The following TANC2 variants were observed in gnomAD, a reference collection of about 807,000 sequenced individuals.
TANC2 encodes the protein tetratricopeptide repeat, ankyrin repeat and coiled-coil containing 2.
A neutral mutation model predicts 210.5 loss-of-function variants in TANC2; 26 were observed. The ratio of observed to expected loss-of-function variants is 0.12; its 90% CI spans 0.09 to 0.17. The LOEUF (loss-of-function observed/expected upper bound fraction) is 0.17, where lower values mean the gene tolerates loss of function less well. TANC2 is among the 10% of genes least tolerant of loss of function. The pLI, the probability that TANC2 is intolerant of heterozygous loss-of-function variation, is 1.00. For missense variants in TANC2, 2,129 were observed against 2,608.9 expected (o/e 0.82, Z 4.01); for synonymous variants, 931 against 967.1 (o/e 0.96, Z 0.69).
intron 4 of TANC2, among the ~76,000 whole-genome samples, chr17:63,131,825 G>A (rs1277981778): frequency 6.6e-6 from 1 of 152,048 alleles, no homozygotes; most frequent in Admixed American, 6.6e-5. Context: ...TGTAAGACTC[G>A]CCAGCCTACA....
intron 7 of TANC2, among the ~76,000 whole-genome samples, chr17:63,206,083 T>C (rs2041701336): frequency 6.6e-6 from 1 of 152,086 alleles, no homozygotes; most frequent in Non-Finnish European, 1.5e-5. Context: ...AAATGGCCAA[T>C]AGACACATGA....
At chr17:63,289,864 T>C (rs2044333298) in intron 9 of TANC2, among the ~76,000 whole-genome samples, 1 of 152,180 alleles carries the variant, frequency 6.6e-6, no homozygotes, top group Non-Finnish European at 1.5e-5. Flanking sequence ...TGTAGTTCAG[T>C]AAGTAGGTCT....
At chr17:63,208,528 A>C (rs1420821057) in intron 7 of TANC2, among the ~76,000 whole-genome samples, 1 of 152,238 alleles carries the variant, frequency 6.6e-6, no homozygotes, top group Non-Finnish European at 1.5e-5. Flanking sequence ...AAACTTAAGA[A>C]TCAATTTGCC....
chr17:63,069,217 A>G (rs993756079), intron 2 of TANC2, among the ~76,000 whole-genome samples: 5 of 152,150 alleles, frequency 3.3e-5, no homozygotes, highest in Admixed American at 2.6e-4. Context: ...TATGATTGTT[A>G]TGAACATTTA....
intron 8 of TANC2, among the ~76,000 whole-genome samples, chr17:63,257,990 G>A (rs531395676): frequency 5.9e-5 from 9 of 152,122 alleles, no homozygotes; most frequent in African/African-American, 9.7e-5. Context: ...ATTAATGTCC[G>A]TTTCTTTCAG....
intron 2 of TANC2, among the ~76,000 whole-genome samples, chr17:63,011,787 CT>C (rs2033884306): frequency 6.6e-6 from 1 of 151,802 alleles, no homozygotes; most frequent in Admixed American, 6.6e-5. Flanking sequence ...TTCTTTCATA[CT>C]TTTGCTTTCA....
chr17:62,983,349 A>T (rs148944379), intron 1 of TANC2, among the ~76,000 whole-genome samples: 2 of 151,800 alleles, frequency 1.3e-5, no homozygotes, highest in Admixed American at 6.6e-5. Context: ...TAGGGTCTTT[A>T]GGTTTTATTT....
intron 5 of TANC2, among the ~76,000 whole-genome samples, chr17:63,188,142 A>G (rs945638978): frequency 1.3e-5 from 2 of 151,986 alleles, no homozygotes; most frequent in African/African-American, 2.4e-5. Flanking sequence ...ACCACAACAA[A>G]TGAGTGCAGG....
intron 4 of TANC2, among the ~76,000 whole-genome samples, chr17:63,118,992 AG>A (rs1409452553): frequency 3.3e-5 from 5 of 151,974 alleles, no homozygotes. Context: ...CATGTTAGCC[AG>A]GGATGGTCTC....
At position 63,421,294 on chromosome 17, in the gene TANC2, C is replaced by T. The variant is rs767486546; in HGVS notation, c.5564C>T (p.Pro1855Leu). ...AAACCGCACCCGCCAACTCCCAGGCCGTTGCTGCATTCCCAAAGTGTAGGC... is the reference window on the plus strand; with the variant it reads ...AAACCGCACCCGCCAACTCCCAGGCTGTTGCTGCATTCCCAAAGTGTAGGC... Residue 1855 changes from proline (P) to leucine (L), a missense_variant, in exon 28 of 28, where the codon CCG becomes CTG. Around this residue, in one of 5 missense-constraint regions of TANC2, gnomAD observed 584 missense variants for 627.3 expected, o/e 0.93. Coordinates refer to ENST00000689528, the Ensembl canonical transcript of TANC2. The surrounding 1 kb of genome is among the most constrained non-coding windows in gnomAD (Gnocchi z 6.9). 3.1e-6 allele frequency: 5 copies of T among 1,614,050 alleles called. No individual in the cohort carries two copies. Among genetic ancestry groups the T allele is most frequent in the Non-Finnish European group, 4.2e-6 (5 of 1,179,904 alleles).
chr17:63,184,933 T>C (rs1423977960), intron 5 of TANC2, among the ~76,000 whole-genome samples: 1 of 151,708 alleles, frequency 6.6e-6, no homozygotes, highest in Non-Finnish European at 1.5e-5. Flanking sequence ...CACCCAGCCC[T>C]ATGTATTCTT....
intron 4 of TANC2, chr17:63,120,649 C>T (rs1388464142): frequency 6.6e-6 from 1 of 151,360 alleles, no homozygotes; most frequent in Non-Finnish European, 1.5e-5. Flanking sequence ...CCTGTCTTTA[C>T]AAAAAATACA....
At chr17:63,017,650 C>G (rs1329817331) in intron 2 of TANC2, among the ~76,000 whole-genome samples, 2 of 152,110 alleles carry the variant, frequency 1.3e-5, no homozygotes, top group Non-Finnish European at 2.9e-5. Flanking sequence ...TCCAGTCACT[C>G]CTCAGTGGAT....
rs1263620283 is a variant in TANC2, at chr17:63,220,718, AAAT to A, written c.770-17094_770-17092del. On this transcript the variant is annotated intron_variant, in intron 7 of 27. Transcript: ENST00000689528. The stretch of plus-strand genomic sequence containing the variant: ...GAATCAGTCTCAAAAAAAAAAAAAA[AAAT>A]ATATATATATATATATGTATATATA... 4.4e-3 allele frequency among the ~76,000 whole-genome samples: 566 copies of A among 127,796 alleles called. 6 individuals carry two copies. The highest frequency in any genetic ancestry group is 0.017 in the African/African-American group (544 of 32,520). The allele number at this position is 127,796 out of a possible 152,430, so 83.8% of individuals were successfully genotyped here. A position where few individuals can be genotyped will look rare whatever the true frequency, so the allele number is the denominator to read the frequency against.
chr17:63,384,871 T>A (rs1311972253), intron 15 of TANC2, among the ~76,000 whole-genome samples: 1 of 152,196 alleles, frequency 6.6e-6, no homozygotes, highest in Non-Finnish European at 1.5e-5. Context: ...ATCAGCTGTT[T>A]TGTCTGTTTT....
intron 1 of TANC2, among the ~76,000 whole-genome samples, chr17:62,971,739 G>T (rs2031706137): frequency 1.3e-5 from 2 of 152,184 alleles, no homozygotes; most frequent in African/African-American, 4.8e-5. Context: ...GCATTACTGT[G>T]TGAGCACCTC....
intron 9 of TANC2, among the ~76,000 whole-genome samples, chr17:63,286,568 G>T (rs2044227859): frequency 6.6e-6 from 1 of 152,132 alleles, no homozygotes; most frequent in South Asian, 2.1e-4. Context: ...TGATCAGTTT[G>T]ATGTGCCTTA....
chr17:63,298,454 T>C (rs1378279045), intron 9 of TANC2, among the ~76,000 whole-genome samples: 1 of 152,182 alleles, frequency 6.6e-6, no homozygotes, highest in Non-Finnish European at 1.5e-5. Flanking sequence ...AAATGTCACA[T>C]CTCGTTTGTG....
At position 62,998,261 on chromosome 17, in the gene TANC2, G is replaced by A. The variant is rs191525405; in HGVS notation, c.-23-11276G>A. Among the ~76,000 whole-genome samples, 186 of 152,282 alleles carry A rather than the reference G, an allele frequency of 1.2e-3. 1 individual carries two copies. Among genetic ancestry groups the A allele is most frequent in the African/African-American group, 4.3e-3 (179 of 41,562 alleles). On this transcript the variant is annotated intron_variant, in intron 1 of 27. Transcript: ENST00000689528. ...ATGAACAGAATCTCTGAGAAATATG[G>A]GGTTGTGTAAAGAGATCAAATTTAT...
Sources: gnomAD v4.1 joint callset for allele counts (sites outside exome capture counted in the v4.1 genomes callset) on GRCh38, gnomAD v4.1.1 for gene constraint, gnomAD v4.1.1 regional missense constraint, Gnocchi (gnomAD v3.1) non-coding constraint, MANE v1.5 for transcripts, NCBI Gene and HGNC (gene_info 2026-07-23, HGNC 2026-07-21) for gene names.